PCDHA11: variants seen among roughly 807,000 people sequenced by gnomAD.
PCDHA11 encodes the protein protocadherin alpha-11.
Under a neutral mutation model 70.3 loss-of-function variants are expected in PCDHA11, and 61 were observed. The ratio of observed to expected loss-of-function variants is 0.87; its 90% CI spans 0.71 to 1.07. The LOEUF (loss-of-function observed/expected upper bound fraction) is 1.07. Among genes scored for constraint, PCDHA11 ranks in the 50% least tolerant of loss-of-function variants. The probability of loss-of-function intolerance (pLI) is 0.00; values close to 1 mark genes in which losing one functional copy is unlikely to be tolerated. For missense variants in PCDHA11, 1,324 were observed against 1,237.5 expected (o/e 1.07, Z -1.05); for synonymous variants, 633 against 555.1 (o/e 1.14, Z -1.97).
At chr5:140,967,321 C>T (rs985147302) in intron 1 of PCDHA11, 12 of 1,609,430 alleles carry the variant, frequency 7.5e-6, no homozygotes, top group Non-Finnish European at 1.0e-5. Context: ...TACAGACCTA[C>T]GAGCTCAGCC....
chr5:140,994,667 T>G (rs2097644091), intron 3 of PCDHA11, among the ~76,000 whole-genome samples: 1 of 152,140 alleles, frequency 6.6e-6, no homozygotes, highest in Non-Finnish European at 1.5e-5. Flanking sequence ...ATCACACTAC[T>G]GCACTCCAGC....
intron 1 of PCDHA11, chr5:140,928,828 C>G (rs199775949): frequency 6.2e-7 from 1 of 1,614,160 alleles, no homozygotes. Context: ...AGACCCACCA[C>G]TTTCCTCCTC....
In PCDHA11 at chr5:140,869,100, TGCGATGTTTGGTTTTCAGAGAAGG is replaced by T. The variant is rs1554162487; in HGVS notation, c.-2_22del. ...GCTTATTTTGGAAGCCAATTTCGTATGCGATGTTTGGTTTTCAGAGAAGGGGATTGGGCACCCCACGACTACAGC... is the reference window on the plus strand; with the variant it reads ...GCTTATTTTGGAAGCCAATTTCGTATGGATTGGGCACCCCACGACTACAGC... On this transcript the variant is annotated start_lost and 5_prime_UTR_variant, in exon 1 of 4. Coordinates refer to ENST00000398640, the MANE Select transcript of PCDHA11 (RefSeq NM_018902.5). The T allele has an allele frequency of 6.3e-7, 1 of 1,596,924 alleles. No individual in the cohort carries two copies. Among genetic ancestry groups the T allele is most frequent in the South Asian group, 1.1e-5 (1 of 89,206 alleles).
At chr5:140,926,804 C>T (rs1298226109) in intron 1 of PCDHA11, 4 of 1,455,652 alleles carry the variant, frequency 2.7e-6, no homozygotes, top group East Asian at 2.5e-5. Context: ...TGCTCTTCCC[C>T]GCGGCTCGTG....
intron 1 of PCDHA11, chr5:140,883,583 G>T (rs782212784): frequency 2.5e-6 from 4 of 1,613,916 alleles, no homozygotes; most frequent in Non-Finnish European, 3.4e-6. Context: ...GTGGGCCACG[G>T]CCAGCGTGTC....
chr5:140,983,329 A>G (rs1359569826), intron 3 of PCDHA11, among the ~76,000 whole-genome samples: 8 of 152,228 alleles, frequency 5.3e-5, no homozygotes, highest in Admixed American at 6.5e-5. Flanking sequence ...TTCTTGCCCT[A>G]TCACTAAAGC....
At chr5:140,929,555 C>A in intron 1 of PCDHA11, 1 of 485,752 alleles carries the variant, frequency 2.1e-6, no homozygotes, top group Non-Finnish European at 3.5e-6. Context: ...AAATTAAAAC[C>A]TATTTAAGAA....
At chr5:140,929,213 A>G (rs199608631) in intron 1 of PCDHA11, 6 of 1,613,934 alleles carry the variant, frequency 3.7e-6, no homozygotes, top group Admixed American at 1.7e-5. Context: ...TTGCGTGGGG[A>G]GTACAATGCT....
At chr5:140,975,045 A>G (rs1249490997) in intron 1 of PCDHA11, among the ~76,000 whole-genome samples, 1 of 152,112 alleles carries the variant, frequency 6.6e-6, no homozygotes, top group Non-Finnish European at 1.5e-5. Context: ...GGCTCTTAGG[A>G]AGAATCTACT....
rs543804071 is a variant in PCDHA11, at chr5:140,951,447, C to T, written c.2392-27502C>T. Among the ~76,000 whole-genome samples the T allele has an allele frequency of 2.2e-4, 34 of 152,004 alleles. No homozygotes were observed. In the South Asian group the frequency reaches 5.8e-3, roughly 26 times the overall value. On this transcript the variant is annotated intron_variant, in intron 1 of 3. Coordinates refer to ENST00000398640, the MANE Select transcript of PCDHA11 (RefSeq NM_018902.5). ...CCACAGGCTGTAGGAAGCATGATGC[C>T]GGCCATCTGCTTGGCTTCTGGGGAG...
intron 1 of PCDHA11, chr5:140,926,634 T>C (rs2083423230): frequency 6.8e-6 from 3 of 438,778 alleles, no homozygotes; most frequent in Non-Finnish European, 1.2e-5. Context: ...GCTGCGCTCC[T>C]CAACACCCGG....
At chr5:140,876,999 G>T (rs368334312) in intron 1 of PCDHA11, 2 of 1,612,546 alleles carry the variant, frequency 1.2e-6, no homozygotes, top group Non-Finnish European at 1.7e-6. Flanking sequence ...GCTACGTGTC[G>T]GTGCACGCGG....
intron 3 of PCDHA11, among the ~76,000 whole-genome samples, chr5:140,986,404 G>GT (rs2097199196): frequency 6.6e-6 from 1 of 152,190 alleles, no homozygotes; most frequent in Non-Finnish European, 1.5e-5. Context: ...AGTCGCTCAT[G>GT]TTACAGCTCT....
Position 141,010,254 on chromosome 5 carries a change from C to T in PCDHA11, c.*317C>T. Reference sequence around the variant, plus strand: ...GCCAGTGAGAGGTTGGACTCTCTGCCCTGTGCTCCGGGGATCCTGTCTTGA... The same window carrying T: ...GCCAGTGAGAGGTTGGACTCTCTGCTCTGTGCTCCGGGGATCCTGTCTTGA... On this transcript the variant is annotated 3_prime_UTR_variant, in exon 4 of 4. Transcript: ENST00000398640. The T allele has an allele frequency of 6.4e-7, 1 of 1,551,810 alleles. No individual in the cohort carries two copies. Among genetic ancestry groups the T allele is most frequent in the Non-Finnish European group, 8.7e-7 (1 of 1,147,018 alleles).
chr5:140,879,051 T>A (rs1446827922), intron 1 of PCDHA11, among the ~76,000 whole-genome samples: 1 of 152,166 alleles, frequency 6.6e-6, no homozygotes, highest in Non-Finnish European at 1.5e-5. Flanking sequence ...ATAGACAACA[T>A]TTTACCAAGA....
chr5:140,974,255 C>T (rs1049283311), intron 1 of PCDHA11, among the ~76,000 whole-genome samples: 1 of 152,186 alleles, frequency 6.6e-6, no homozygotes, highest in African/African-American at 2.4e-5. Flanking sequence ...CCATCAGTTC[C>T]TTTCTGGCCT....
intron 3 of PCDHA11, among the ~76,000 whole-genome samples, chr5:140,983,060 A>G (rs1460099092): frequency 6.6e-6 from 1 of 152,120 alleles, no homozygotes; most frequent in Non-Finnish European, 1.5e-5. Flanking sequence ...TATCGGAACC[A>G]AGGCATTGTT....
chr5:140,957,709 A>T (rs1321290139), intron 1 of PCDHA11, among the ~76,000 whole-genome samples: 6 of 152,264 alleles, frequency 3.9e-5, no homozygotes, highest in Admixed American at 3.3e-4. Context: ...TGTAGTTTTT[A>T]TTAAGAAAGA....
At chr5:140,969,374 G>A (rs1554231740) in intron 1 of PCDHA11, 1 of 1,606,076 alleles carries the variant, frequency 6.2e-7, no homozygotes, top group South Asian at 1.1e-5. Flanking sequence ...TCATGCATTT[G>A]TTACACATCC....
Sources: gnomAD v4.1 joint callset for allele counts (sites outside exome capture counted in the v4.1 genomes callset) on GRCh38, gnomAD v4.1.1 for gene constraint, MANE v1.5 for transcripts, NCBI Gene and HGNC (gene_info 2026-07-23, HGNC 2026-07-21) for gene names.